The following DGKB variants were observed in gnomAD, a reference collection of about 807,000 sequenced individuals.
DGKB encodes diacylglycerol kinase beta.
DGKB carries 67 observed loss-of-function variants against 114.3 expected under a neutral mutation model. The observed-to-expected ratio is 0.59, with a 90% CI of 0.48 to 0.72. DGKB has a LOEUF of 0.72. Ranked by LOEUF, DGKB falls within the 30% of genes least tolerant of loss-of-function variation. The pLI is 0.00. For synonymous variants in DGKB, 398 were observed against 323.1 expected, an observed-to-expected ratio of 1.23 and a Z score of -2.49; for missense variants, 907 against 975.2, an observed-to-expected ratio of 0.93 and a Z score of 0.93.
intron 1 of DGKB, among the ~76,000 whole-genome samples, chr7:14,961,663 G>A (rs942792335): frequency 1.3e-5 from 2 of 151,992 alleles, no homozygotes; most frequent in African/African-American, 4.8e-5. Flanking sequence ...CACAAATGTC[G>A]GGCCATTTTT....
intron 21 of DGKB, among the ~76,000 whole-genome samples, chr7:14,421,413 TAATG>T (rs1463664412): frequency 6.6e-6 from 1 of 152,110 alleles, no homozygotes; most frequent in African/African-American, 2.4e-5. Context: ...TTGAATAAAA[TAATG>T]TATGTTTATA....
chr7:14,478,078 A>C, intron 21 of DGKB, 83 bp downstream of exon 21: 1 of 878,852 alleles, frequency 1.1e-6, no homozygotes, highest in Non-Finnish European at 1.8e-6. Context: ...AGTAGATTAT[A>C]AAATATTCTG....
intron 13 of DGKB, among the ~76,000 whole-genome samples, chr7:14,637,869 T>G (rs1036823277): frequency 1.9e-4 from 29 of 152,052 alleles, no homozygotes; most frequent in African/African-American, 5.8e-4. Context: ...TAACATTCAC[T>G]AAAATGCCAC....
chr7:14,652,848 T>C (rs1003097209), intron 13 of DGKB, among the ~76,000 whole-genome samples: 3 of 152,158 alleles, frequency 2.0e-5, no homozygotes, highest in Non-Finnish European at 4.4e-5. Flanking sequence ...GCAAAGTATA[T>C]GAACAGACAC....
At chr7:14,480,197 T>C (rs1347015635) in intron 20 of DGKB, among the ~76,000 whole-genome samples, 2 of 151,978 alleles carry the variant, frequency 1.3e-5, no homozygotes, top group Admixed American at 6.6e-5. Flanking sequence ...TAGACTATAA[T>C]TGGGTAAACT....
chr7:14,397,552 T>G (rs1822425916), intron 21 of DGKB, among the ~76,000 whole-genome samples: 1 of 152,126 alleles, frequency 6.6e-6, no homozygotes, highest in Non-Finnish European at 1.5e-5. Context: ...AGTTGCTTTG[T>G]TCATTGCGTT....
intron 23 of DGKB, among the ~76,000 whole-genome samples, chr7:14,278,699 T>C (rs1284882199): frequency 6.6e-6 from 1 of 152,064 alleles, no homozygotes. Context: ...AAGGACAGCC[T>C]ACACAATGGA....
chr7:14,428,555 C>T (rs1389679413), intron 21 of DGKB, among the ~76,000 whole-genome samples: 3 of 152,034 alleles, frequency 2.0e-5, no homozygotes, highest in Non-Finnish European at 2.9e-5. Flanking sequence ...CTTTCTTTTT[C>T]TCTTTTTGTT....
chr7:14,471,059 G>C (rs1457349644), intron 21 of DGKB, among the ~76,000 whole-genome samples: 1 of 150,456 alleles, frequency 6.6e-6, no homozygotes, highest in Admixed American at 6.6e-5. Context: ...TGGCAATTTT[G>C]TGTTCTATTA....
At chr7:14,771,472 T>C (rs887299237) in intron 2 of DGKB, among the ~76,000 whole-genome samples, 4 of 152,116 alleles carry the variant, frequency 2.6e-5, no homozygotes, top group Admixed American at 6.6e-5. Flanking sequence ...GGGGTGCTTA[T>C]ATAGATGACT....
chr7:14,304,286 C>T (rs1172211239), intron 23 of DGKB, among the ~76,000 whole-genome samples: 1 of 151,820 alleles, frequency 6.6e-6, no homozygotes, highest in Non-Finnish European at 1.5e-5. Context: ...TGTCAGAGTT[C>T]CACATTTGGC....
intron 5 of DGKB, among the ~76,000 whole-genome samples, chr7:14,720,818 A>G (rs1829048980): frequency 6.6e-6 from 1 of 151,896 alleles, no homozygotes. Context: ...TGAACCAAAG[A>G]AGGCAGGGAA....
chr7:14,216,523 C>T (rs544090280), intron 23 of DGKB, among the ~76,000 whole-genome samples: 33 of 151,908 alleles, frequency 2.2e-4, no homozygotes, highest in South Asian at 8.3e-4. Flanking sequence ...GTCAGGAGTT[C>T]GAAACCAGCC....
intron 17 of DGKB, among the ~76,000 whole-genome samples, chr7:14,595,791 A>T (rs1802481058): frequency 6.6e-6 from 1 of 151,984 alleles, no homozygotes; most frequent in African/African-American, 2.4e-5. Context: ...GTTAAAAGAT[A>T]ATTTTCTTTT....
intron 23 of DGKB, among the ~76,000 whole-genome samples, chr7:14,245,643 T>A (rs1794363932): frequency 6.6e-6 from 1 of 152,176 alleles, no homozygotes; most frequent in Admixed American, 6.5e-5. Context: ...TTAACATGAT[T>A]TCTGCCAGGC....
At chr7:14,639,311 G>A (rs948000906) in intron 13 of DGKB, among the ~76,000 whole-genome samples, 1 of 152,216 alleles carries the variant, frequency 6.6e-6, no homozygotes, top group African/African-American at 2.4e-5. Context: ...AGAAAACCTA[G>A]TGGAAATGCA....
chr7:14,906,517 G>A (rs1009232384), upstream of DGKB, among the ~76,000 whole-genome samples: 5 of 136,612 alleles, frequency 3.7e-5, no homozygotes, highest in African/African-American at 5.3e-5. Flanking sequence ...GCAATGATGT[G>A]ATCTCGGCTC....
intron 21 of DGKB, among the ~76,000 whole-genome samples, chr7:14,354,451 A>G (rs1345961089): frequency 6.6e-6 from 1 of 152,210 alleles, no homozygotes; most frequent in Non-Finnish European, 1.5e-5. Flanking sequence ...TTATTCAACA[A>G]TCTGAGCATT....
At chr7:14,335,405 G>T (rs539271439) in intron 23 of DGKB, among the ~76,000 whole-genome samples, 7 of 151,654 alleles carry the variant, frequency 4.6e-5, no homozygotes, top group Admixed American at 1.3e-4. Flanking sequence ...CCCTCCAAAA[G>T]AAACTATCTA....
Sources: allele counts gnomAD v4.1 joint callset (sites outside exome capture counted in the v4.1 genomes callset), GRCh38; gene constraint gnomAD v4.1.1; transcripts MANE v1.5; gene names NCBI Gene and HGNC (gene_info 2026-07-23, HGNC 2026-07-21).